Variants in KALRN observed in about 807,000 individuals in gnomAD.
The protein encoded by KALRN is kalirin.
In KALRN, 70 loss-of-function variants were observed where a neutral mutation model predicts 353.7. The ratio of observed to expected loss-of-function variants is 0.20; its 90% CI spans 0.16 to 0.24. The LOEUF (loss-of-function observed/expected upper bound fraction) is 0.24, where lower values mean the gene tolerates loss of function less well. Among genes scored for constraint, KALRN ranks in the 10% least tolerant of loss-of-function variants. The pLI is 1.00. For synonymous variants in KALRN, 1,391 were observed against 1,434.8 expected, an observed-to-expected ratio of 0.97 and a Z score of 0.69; for missense variants, 2,791 against 3,756.7, an observed-to-expected ratio of 0.74 and a Z score of 6.72.
chr3:124,519,270 G>A (rs2066957757), intron 33 of KALRN: 1 of 958,924 alleles, frequency 1.0e-6, no homozygotes, highest in Middle Eastern at 5.4e-4. Context: ...ATGGTACGTG[G>A]ACATTCATTA....
intron 45 of KALRN, among the ~76,000 whole-genome samples, chr3:124,663,420 G>C (rs2085150432): frequency 6.6e-6 from 1 of 152,234 alleles, no homozygotes; most frequent in South Asian, 2.1e-4. Context: ...TGGGGGCATG[G>C]AAGGAGAGAA....
At chr3:124,229,406 G>A (rs555097954) in intron 2 of KALRN, among the ~76,000 whole-genome samples, 1 of 152,372 alleles carries the variant, frequency 6.6e-6, no homozygotes, top group South Asian at 2.1e-4. Flanking sequence ...GGGATAGACA[G>A]TGTTAGTAGC....
intron 6 of KALRN, among the ~76,000 whole-genome samples, chr3:124,299,697 A>G (rs1392326810): frequency 2.6e-5 from 4 of 152,234 alleles, no homozygotes; most frequent in African/African-American, 9.6e-5. Flanking sequence ...CTGTAAAACA[A>G]TGAGAACGGT....
intron 1 of KALRN, among the ~76,000 whole-genome samples, chr3:124,065,024 C>G (rs2042244252): frequency 6.6e-6 from 1 of 152,126 alleles, no homozygotes; most frequent in African/African-American, 2.4e-5. Flanking sequence ...TTACTTGTGT[C>G]TCTCACATGG....
intron 3 of KALRN, among the ~76,000 whole-genome samples, chr3:124,242,212 T>A (rs918838688): frequency 2.6e-5 from 4 of 152,090 alleles, no homozygotes; most frequent in African/African-American, 9.7e-5. Flanking sequence ...ATAATGTGGC[T>A]TAAAGACAGT....
At chr3:124,472,511 A>G (rs2061020304) in intron 25 of KALRN, among the ~76,000 whole-genome samples, 1 of 152,030 alleles carries the variant, frequency 6.6e-6, no homozygotes, top group Non-Finnish European at 1.5e-5. Context: ...GCAACATGGC[A>G]AGACCTCGTC....
chr3:124,214,035 C>T (rs1437857927), intron 1 of KALRN, among the ~76,000 whole-genome samples: 1 of 151,810 alleles, frequency 6.6e-6, no homozygotes, highest in Non-Finnish European at 1.5e-5. Context: ...TGCTCTTTTC[C>T]AATTATTTCA....
intron 10 of KALRN, among the ~76,000 whole-genome samples, chr3:124,373,294 A>G (rs533264622): frequency 1.3e-5 from 2 of 152,218 alleles, no homozygotes; most frequent in South Asian, 4.2e-4. Context: ...CCCGACTTCT[A>G]CCCCACCTGG....
intron 34 of KALRN, among the ~76,000 whole-genome samples, chr3:124,611,697 G>A (rs1421331624): frequency 6.6e-6 from 1 of 152,188 alleles, no homozygotes; most frequent in Non-Finnish European, 1.5e-5. Context: ...TTGCATTGGG[G>A]ATAAAGTCCA....
intron 1 of KALRN, among the ~76,000 whole-genome samples, chr3:124,152,727 G>A (rs930010152): frequency 6.6e-6 from 1 of 151,454 alleles, no homozygotes; most frequent in African/African-American, 2.4e-5. Flanking sequence ...CTGAGTAGCT[G>A]GGATTACAGG....
chr3:124,592,266 C>T (rs2075853614), intron 34 of KALRN, among the ~76,000 whole-genome samples: 1 of 147,026 alleles, frequency 6.8e-6, no homozygotes, highest in Non-Finnish European at 1.5e-5. Flanking sequence ...AGAGCCACTG[C>T]ACTCCAGCTT....
intron 1 of KALRN, among the ~76,000 whole-genome samples, chr3:124,122,520 G>A (rs1440163664): frequency 2.0e-5 from 3 of 152,106 alleles, no homozygotes; most frequent in African/African-American, 7.2e-5. Context: ...TTATCCAATA[G>A]CATGTGCTCA....
intron 58 of KALRN, among the ~76,000 whole-genome samples, chr3:124,714,847 C>T (rs1159687348): frequency 6.6e-6 from 1 of 152,122 alleles, no homozygotes; most frequent in Non-Finnish European, 1.5e-5. Flanking sequence ...GAAACCCCAT[C>T]TCTACTAAAA....
At chr3:124,287,485 A>G (rs2076013804) in intron 5 of KALRN, among the ~76,000 whole-genome samples, 1 of 151,066 alleles carries the variant, frequency 6.6e-6, no homozygotes, top group Admixed American at 6.6e-5. Flanking sequence ...CTTGGCTTCT[A>G]CTTCTCCGCT....
chr3:124,562,595 G>A (rs949897633), intron 33 of KALRN: 1 of 317,976 alleles, frequency 3.1e-6, no homozygotes, highest in Non-Finnish European at 6.2e-6. Flanking sequence ...CAGCTAGAAA[G>A]CCTGAGTGAT....
At chr3:124,683,329 G>A (rs767303440) in intron 51 of KALRN, among the ~76,000 whole-genome samples, 1 of 152,174 alleles carries the variant, frequency 6.6e-6, no homozygotes, top group Non-Finnish European at 1.5e-5. Context: ...TTCAGGGTCA[G>A]CATCTGGCCT....
At chr3:124,315,331 C>T (rs1410377565) in intron 6 of KALRN, among the ~76,000 whole-genome samples, 1 of 152,160 alleles carries the variant, frequency 6.6e-6, no homozygotes, top group Non-Finnish European at 1.5e-5. Context: ...TTGGTTTAGG[C>T]AGCCTTCTCA....
intron 10 of KALRN, among the ~76,000 whole-genome samples, chr3:124,371,168 A>T (rs1256455598): frequency 6.6e-6 from 1 of 152,212 alleles, no homozygotes; most frequent in Non-Finnish European, 1.5e-5. Flanking sequence ...ACCTCAAACT[A>T]CTTCCTGTTC....
At chr3:124,054,749 T>A (rs2041368844) in intron 1 of KALRN, among the ~76,000 whole-genome samples, 1 of 152,218 alleles carries the variant, frequency 6.6e-6, no homozygotes, top group Non-Finnish European at 1.5e-5. Context: ...ATCTCGGCAG[T>A]AGGAGCTTTG....
Sources: allele counts gnomAD v4.1 joint callset (sites outside exome capture counted in the v4.1 genomes callset), GRCh38; gene constraint gnomAD v4.1.1; transcripts MANE v1.5; gene names NCBI Gene and HGNC (gene_info 2026-07-23, HGNC 2026-07-21).